Variants in KIF6 observed in about 807,000 individuals in gnomAD.
KIF6 encodes kinesin-like protein KIF6.
KIF6 carries 106 observed loss-of-function variants against 112.7 expected under a neutral mutation model. The observed-to-expected ratio is 0.94, with a 90% CI of 0.80 to 1.11. The LOEUF is 1.11. Ranked by LOEUF, KIF6 falls within the 50% of genes least tolerant of loss-of-function variation. KIF6 has a pLI of 0.00. For missense variants in KIF6, 929 were observed against 964.0 expected (o/e 0.96, Z 0.48); for synonymous variants, 339 against 339.9 (o/e 1.00, Z 0.03).
At chr6:39,651,315 A>G (rs556652247) in intron 3 of KIF6, among the ~76,000 whole-genome samples, 107 of 152,268 alleles carry the variant, frequency 7.0e-4, no homozygotes, top group African/African-American at 2.3e-3. Flanking sequence ...CAGGCATAGA[A>G]ATGAAAAGAC....
chr6:39,533,577 G>T (rs537483934), intron 13 of KIF6, among the ~76,000 whole-genome samples: 29 of 152,330 alleles, frequency 1.9e-4, no homozygotes, highest in Middle Eastern at 6.8e-3. Context: ...TCCACCTCTG[G>T]GGGCAGGGCA....
chr6:39,591,247 C>T (rs921558349), intron 7 of KIF6, among the ~76,000 whole-genome samples: 2 of 152,138 alleles, frequency 1.3e-5, no homozygotes, highest in Non-Finnish European at 2.9e-5. Flanking sequence ...ATTGCAGAGG[C>T]AATTCCTATG....
chr6:39,719,127 T>C (rs1426466809), intron 2 of KIF6, among the ~76,000 whole-genome samples: 3 of 152,212 alleles, frequency 2.0e-5, no homozygotes, highest in East Asian at 1.9e-4. Context: ...GAGACCAGCC[T>C]GGCCCACATG....
At chr6:39,670,526 G>A (rs1561915017) in intron 3 of KIF6, among the ~76,000 whole-genome samples, 1 of 152,114 alleles carries the variant, frequency 6.6e-6, no homozygotes, top group Non-Finnish European at 1.5e-5. Flanking sequence ...ATACATAAAG[G>A]TCTTCATCCT....
At chr6:39,498,129 T>C (rs962205223) in intron 13 of KIF6, among the ~76,000 whole-genome samples, 11 of 152,164 alleles carry the variant, frequency 7.2e-5, no homozygotes, top group Admixed American at 3.9e-4. Context: ...CATGGGCCTA[T>C]ACAGAGACCA....
At chr6:39,402,555 G>T (rs1768786394) in intron 15 of KIF6, among the ~76,000 whole-genome samples, 1 of 152,188 alleles carries the variant, frequency 6.6e-6, no homozygotes. Context: ...TGCTGGCTTG[G>T]CCATAGAAGG....
At chr6:39,655,318 GTCTC>G (rs1785717144) in intron 3 of KIF6, among the ~76,000 whole-genome samples, 1 of 151,996 alleles carries the variant, frequency 6.6e-6, no homozygotes, top group Non-Finnish European at 1.5e-5. Flanking sequence ...TAGATTTTGA[GTCTC>G]TTTCTTATTC....
intron 15 of KIF6, among the ~76,000 whole-genome samples, chr6:39,415,063 C>T (rs1439740718): frequency 6.6e-6 from 1 of 151,844 alleles, no homozygotes; most frequent in African/African-American, 2.4e-5. Flanking sequence ...TGGTGGGCGC[C>T]TATAATCCCA....
intron 3 of KIF6, among the ~76,000 whole-genome samples, chr6:39,644,321 A>G (rs986216734): frequency 1.3e-5 from 2 of 152,170 alleles, no homozygotes; most frequent in African/African-American, 4.8e-5. Context: ...GTGTATACAC[A>G]GCAGTATTAA....
intron 15 of KIF6, among the ~76,000 whole-genome samples, chr6:39,416,378 T>C (rs1044213269): frequency 6.6e-6 from 1 of 152,184 alleles, no homozygotes; most frequent in Non-Finnish European, 1.5e-5. Flanking sequence ...TAAATGAACA[T>C]GTGCGAAACC....
At chr6:39,641,573 A>G (rs928998760) in intron 3 of KIF6, among the ~76,000 whole-genome samples, 2 of 152,054 alleles carry the variant, frequency 1.3e-5, no homozygotes, top group Non-Finnish European at 1.5e-5. Flanking sequence ...CAGCACACCA[A>G]CATGGCACAT....
chr6:39,472,602 C>T (rs1459406562), intron 13 of KIF6, among the ~76,000 whole-genome samples: 1 of 152,208 alleles, frequency 6.6e-6, no homozygotes, highest in Non-Finnish European at 1.5e-5. Context: ...CCTCCTCTCT[C>T]CCCCTTCCCA....
At chr6:39,360,328 T>A (rs1017776270) in intron 18 of KIF6, 67 bp downstream of exon 18, 1 of 1,580,174 alleles carries the variant, frequency 6.3e-7, no homozygotes. Context: ...ACTGTGTCTC[T>A]TGACAGCCCC....
intron 16 of KIF6, among the ~76,000 whole-genome samples, chr6:39,374,258 G>T (rs1190689672): frequency 1.3e-5 from 2 of 152,054 alleles, no homozygotes; most frequent in African/African-American, 4.8e-5. Context: ...TATAAGATCT[G>T]AAACTGTAAA....
chr6:39,682,668 C>T (rs575499029), intron 3 of KIF6, among the ~76,000 whole-genome samples: 2 of 152,316 alleles, frequency 1.3e-5, no homozygotes, highest in African/African-American at 4.8e-5. Context: ...CAACCTCCAC[C>T]TCCTGGGTTC....
At chr6:39,448,367 G>T (rs1772464045) in intron 13 of KIF6, among the ~76,000 whole-genome samples, 1 of 151,934 alleles carries the variant, frequency 6.6e-6, no homozygotes, top group African/African-American at 2.4e-5. Flanking sequence ...TAGAGACAGG[G>T]TTTCACGATG....
chr6:39,670,156 C>T (rs896754289), intron 3 of KIF6, among the ~76,000 whole-genome samples: 2 of 152,122 alleles, frequency 1.3e-5, no homozygotes, highest in African/African-American at 4.8e-5. Context: ...GAAACCCCAG[C>T]CTCAAAGAGC....
chr6:39,597,403 T>A (rs1379640151), intron 6 of KIF6, among the ~76,000 whole-genome samples: 1 of 152,138 alleles, frequency 6.6e-6, no homozygotes. Flanking sequence ...GCTACAGTAA[T>A]TAGAACAGTG....
chr6:39,508,853 C>T (rs1776599077), intron 13 of KIF6, among the ~76,000 whole-genome samples: 1 of 152,192 alleles, frequency 6.6e-6, no homozygotes, highest in African/African-American at 2.4e-5. Flanking sequence ...CCCTGCCTGC[C>T]AGCACTGAAG....
Sources: allele counts gnomAD v4.1 joint callset (sites outside exome capture counted in the v4.1 genomes callset), GRCh38; gene constraint gnomAD v4.1.1; transcripts MANE v1.5; gene names NCBI Gene and HGNC (gene_info 2026-07-23, HGNC 2026-07-21).